Variants in LRRC37A2 observed in about 807,000 individuals in gnomAD.
The protein encoded by LRRC37A2 is leucine-rich repeat-containing protein 37A2.
In LRRC37A2, 9 loss-of-function variants were observed where a neutral mutation model predicts 68.8. The ratio of observed to expected loss-of-function variants is 0.13; its 90% CI spans 0.08 to 0.23. The LOEUF is 0.23. Among genes scored for constraint, LRRC37A2 ranks in the 10% least tolerant of loss-of-function variants. The pLI, the probability that LRRC37A2 is intolerant of heterozygous loss-of-function variation, is 1.00. For synonymous variants in LRRC37A2, 63 were observed against 367.6 expected, an observed-to-expected ratio of 0.17 and a Z score of 9.48; for missense variants, 168 against 950.4, an observed-to-expected ratio of 0.18 and a Z score of 10.82.
the LRRC37A2 span, among the ~76,000 whole-genome samples, chr17:46,874,498 C>A: frequency 6.6e-6 from 1 of 152,162 alleles, no homozygotes; most frequent in Non-Finnish European, 1.5e-5. Context: ...AAGGCCGTAG[C>A]CCCTGGCCTG....
chr17:46,971,663 A>C, the LRRC37A2 span, among the ~76,000 whole-genome samples: 1,277 of 152,292 alleles, frequency 8.4e-3, 20 homozygotes, highest in African/African-American at 0.029. Flanking sequence ...TTACAGATGA[A>C]GAAACAGGCC....
At chr17:46,914,520 G>A in the LRRC37A2 span, among the ~76,000 whole-genome samples, 1 of 151,696 alleles carries the variant, frequency 6.6e-6, no homozygotes, top group Non-Finnish European at 1.5e-5. Flanking sequence ...GCGTAGTGGT[G>A]CATGCCTGTA....
At chr17:46,863,908 C>T in the LRRC37A2 span, among the ~76,000 whole-genome samples, 4 of 152,166 alleles carry the variant, frequency 2.6e-5, no homozygotes, top group Non-Finnish European at 5.9e-5. Context: ...CTTGATCAGG[C>T]AGGGAGGTTC....
chr17:46,722,120 C>T, the LRRC37A2 span: 55 of 1,611,754 alleles, frequency 3.4e-5, no homozygotes, highest in Admixed American at 8.3e-5. Flanking sequence ...CGAACTCGTC[C>T]GGCTTCTCGC....
At chr17:47,001,922 A>G in the LRRC37A2 span, among the ~76,000 whole-genome samples, 1 of 151,882 alleles carries the variant, frequency 6.6e-6, no homozygotes, top group Non-Finnish European at 1.5e-5. Flanking sequence ...TTGTATTTGT[A>G]TTTGTATTTA....
the LRRC37A2 span, chr17:46,886,288 A>G: frequency 1.3e-5 from 2 of 152,352 alleles, no homozygotes; most frequent in African/African-American, 4.8e-5. Flanking sequence ...GCATAAACCT[A>G]TATCAATTGG....
chr17:46,929,473 T>G, the LRRC37A2 span: 2 of 941,500 alleles, frequency 2.1e-6, no homozygotes, highest in Middle Eastern at 2.1e-4. Context: ...ACTGAAGCGC[T>G]GTTGATTACT....
At chr17:46,784,025 T>C in the LRRC37A2 span, among the ~76,000 whole-genome samples, 1 of 152,050 alleles carries the variant, frequency 6.6e-6, no homozygotes, top group South Asian at 2.1e-4. Context: ...TGGGGATCCA[T>C]TGCAACCTCC....
At chr17:46,953,445 CATT>C in the LRRC37A2 span, among the ~76,000 whole-genome samples, 2 of 152,328 alleles carry the variant, frequency 1.3e-5, no homozygotes, top group African/African-American at 2.4e-5. Context: ...TCCAGTCTAT[CATT>C]GTTGGACATT....
the LRRC37A2 span, among the ~76,000 whole-genome samples, chr17:46,715,208 G>A: frequency 6.6e-6 from 1 of 152,178 alleles, no homozygotes; most frequent in African/African-American, 2.4e-5. Context: ...ATTGCCAGAT[G>A]CAAAAAGAAC....
the LRRC37A2 span, among the ~76,000 whole-genome samples, chr17:46,853,774 T>A: frequency 1.3e-5 from 2 of 152,140 alleles, no homozygotes; most frequent in Non-Finnish European, 2.9e-5. Context: ...TATATCCTCT[T>A]ACACACTGGC....
At chr17:46,957,394 C>CTT in the LRRC37A2 span, among the ~76,000 whole-genome samples, 47 of 152,290 alleles carry the variant, frequency 3.1e-4, no homozygotes, top group African/African-American at 1.1e-3. Context: ...AGGTGGATCA[C>CTT]TTGAGGTCAG....
At chr17:46,755,766 C>A in the LRRC37A2 span, 1 of 1,551,124 alleles carries the variant, frequency 6.4e-7, no homozygotes. Flanking sequence ...TACGGACCCT[C>A]ATCTGTTTTT....
the LRRC37A2 span, among the ~76,000 whole-genome samples, chr17:46,821,756 C>T: frequency 1.3e-5 from 2 of 152,198 alleles, no homozygotes; most frequent in East Asian, 3.9e-4. Context: ...ACCCCAGTCC[C>T]AACCCAACCC....
At chr17:46,499,336 G>C in the LRRC37A2 span, among the ~76,000 whole-genome samples, 1 of 61,920 alleles carries the variant, frequency 1.6e-5, no homozygotes, top group Non-Finnish European at 4.3e-5. Flanking sequence ...AAAAAAAAAA[G>C]GTGGGGGGAC....
At chr17:47,035,519 T>C in the LRRC37A2 span, among the ~76,000 whole-genome samples, 1 of 152,260 alleles carries the variant, frequency 6.6e-6, no homozygotes, top group Non-Finnish European at 1.5e-5. Flanking sequence ...CTGAGTGATA[T>C]TCCATTGTAT....
the LRRC37A2 span, chr17:46,939,902 C>G: frequency 1.0e-6 from 1 of 993,518 alleles, no homozygotes; most frequent in Non-Finnish European, 1.2e-6. Context: ...TCAGAAAGAC[C>G]TGGTTAGTGT....
chr17:46,841,666 CT>C, the LRRC37A2 span, among the ~76,000 whole-genome samples: 1 of 152,110 alleles, frequency 6.6e-6, no homozygotes, highest in African/African-American at 2.4e-5. Flanking sequence ...CGGGTAGGGG[CT>C]GGCCGGGAGC....
the LRRC37A2 span, chr17:46,831,630 G>C: frequency 6.6e-6 from 1 of 152,370 alleles, no homozygotes; most frequent in African/African-American, 2.4e-5. Flanking sequence ...CACTGCTCTG[G>C]AGGCAGGCAG....
Sources: allele counts gnomAD v4.1 joint callset (sites outside exome capture counted in the v4.1 genomes callset), GRCh38; gene constraint gnomAD v4.1.1; transcripts MANE v1.5; gene names NCBI Gene and HGNC (gene_info 2026-07-23, HGNC 2026-07-21).